The following UXS1 variants were observed in gnomAD, a reference collection of about 807,000 sequenced individuals.
UXS1 encodes the protein UDP-glucuronic acid decarboxylase 1.
UXS1 carries 33 observed loss-of-function variants against 62.6 expected under a neutral mutation model. The observed-to-expected ratio is 0.53, with a 90% CI of 0.40 to 0.70. The LOEUF is 0.70. UXS1 is among the 30% of genes least tolerant of loss of function. UXS1 has a pLI of 0.00. For synonymous variants in UXS1, 213 were observed against 206.8 expected, an observed-to-expected ratio of 1.03 and a Z score of -0.26; for missense variants, 434 against 556.3, an observed-to-expected ratio of 0.78 and a Z score of 2.21.
At chr2:106,126,802 G>A (rs906453866) in intron 7 of UXS1, among the ~76,000 whole-genome samples, 1 of 152,106 alleles carries the variant, frequency 6.6e-6, no homozygotes, top group African/African-American at 2.4e-5. Flanking sequence ...ACATTGATAT[G>A]ATCAGTGACT....
rs1685122980 is a variant in UXS1, at chr2:106,194,180, A to G, written c.62T>C (p.Leu21Pro). 4.7e-6 allele frequency: 7 copies of G among 1,485,018 alleles called. No homozygotes were observed. The highest frequency in any genetic ancestry group is 6.3e-6 in the Non-Finnish European group (7 of 1,116,010). 92.0% of individuals were successfully genotyped at this position (1,485,018 alleles called of 1,614,324 possible). A position where few individuals can be genotyped will look rare whatever the true frequency, so the allele number is the denominator to read the frequency against. The stretch of plus-strand genomic sequence containing the variant: ...GTAGGCCAGCAAGGCGATGCCCAGC[A>G]GCAGCTTCATCCTCCTGCGGTTGAC... ...SAVNRRRMKLLLGIALLAYVA... is the reference protein window; with the variant it reads ...SAVNRRRMKLPLGIALLAYVA... Residue 21 changes from leucine to proline, a missense_variant, in exon 1 of 15, where the codon CTG becomes CCG. Around this residue, in one of 3 missense-constraint regions of UXS1, gnomAD observed 91 missense variants for 71.1 expected, o/e 1.28. Coordinates refer to ENST00000283148, the MANE Select transcript of UXS1 (RefSeq NM_001253875.2).
chr2:106,185,326 T>G (rs1573590748), intron 1 of UXS1, among the ~76,000 whole-genome samples: 1 of 152,204 alleles, frequency 6.6e-6, no homozygotes, highest in Non-Finnish European at 1.5e-5. Flanking sequence ...GGGAAAATTG[T>G]TGAAAATAAA....
At chr2:106,189,900 CAA>C (rs1684806897) in intron 1 of UXS1, among the ~76,000 whole-genome samples, 1 of 152,120 alleles carries the variant, frequency 6.6e-6, no homozygotes, top group South Asian at 2.1e-4. Context: ...GGGAGTGAAA[CAA>C]GAGGGAGTCA....
At chr2:106,160,083 G>C (rs1042682781) in intron 4 of UXS1, 15 of 152,256 alleles carry the variant, frequency 9.9e-5, no homozygotes, top group Non-Finnish European at 1.9e-4. Context: ...AGCAAGTTCT[G>C]CCTTCAGTCA....
At chr2:106,137,719 T>C (rs1024426555) in intron 6 of UXS1, among the ~76,000 whole-genome samples, 55 of 151,788 alleles carry the variant, frequency 3.6e-4, no homozygotes, top group African/African-American at 1.3e-3. Flanking sequence ...CACTTGAACC[T>C]GGGAGGCAGA....
intron 6 of UXS1, 113 bp downstream of exon 6, chr2:106,145,077 C>T (rs1309822320): frequency 4.2e-6 from 5 of 1,203,094 alleles, no homozygotes; most frequent in African/African-American, 1.5e-5. Flanking sequence ...AAAAATAAAA[C>T]CCAACATAGC....
intron 1 of UXS1, among the ~76,000 whole-genome samples, chr2:106,183,982 G>A (rs1319839962): frequency 3.9e-5 from 6 of 151,934 alleles, no homozygotes; most frequent in South Asian, 2.1e-4. Flanking sequence ...ACCTGAGGTC[G>A]GGAGTTCGAG....
In UXS1 at chr2:106,163,723, T is replaced by C. The variant is rs1336797621; in HGVS notation, c.187-13A>G. On this transcript the variant is annotated splice_polypyrimidine_tract_variant and intron_variant, in intron 3 of 14. Coordinates refer to ENST00000283148, the MANE Select transcript of UXS1 (RefSeq NM_001253875.2). The stretch of plus-strand genomic sequence containing the variant: ...GTGGTTCAACCATCTAGAACAATAA[T>C]AACAAAAATCAGTTTTAAAGCAAAA... 2 of 1,417,186 alleles carry C rather than the reference T, an allele frequency of 1.4e-6. No homozygotes were observed. Among genetic ancestry groups the C allele is most frequent in the African/African-American group, 1.5e-5 (1 of 67,280 alleles). The allele number at this position is 1,417,186 out of a possible 1,614,324, so 87.8% of individuals were successfully genotyped here. A position where few individuals can be genotyped will look rare whatever the true frequency, so the allele number is the denominator to read the frequency against.
chr2:106,170,488 A>G (rs1195910582), intron 1 of UXS1, among the ~76,000 whole-genome samples: 1 of 152,130 alleles, frequency 6.6e-6, no homozygotes, highest in East Asian at 1.9e-4. Context: ...ATGCCAAGTA[A>G]TTTTTCCCTT....
intron 6 of UXS1, among the ~76,000 whole-genome samples, chr2:106,144,087 G>C (rs915617995): frequency 3.3e-5 from 5 of 152,178 alleles, no homozygotes; most frequent in Admixed American, 6.5e-5. Context: ...TCTTAGCAGG[G>C]AACTGTGAGA....
intron 9 of UXS1, among the ~76,000 whole-genome samples, chr2:106,120,822 T>C (rs1679462429): frequency 2.0e-5 from 3 of 152,226 alleles, no homozygotes; most frequent in South Asian, 2.1e-4. Flanking sequence ...GGAAGGCACA[T>C]GCCTGGTGAC....
At chr2:106,186,291 G>C (rs11694995) in intron 1 of UXS1, among the ~76,000 whole-genome samples, 149,140 of 152,262 alleles carry the variant, frequency 0.98, 73,101 homozygotes, top group South Asian at 1. Flanking sequence ...ACACTGAACA[G>C]TGTCAAGTGG....
At chr2:106,155,288 T>A in intron 5 of UXS1, among the ~76,000 whole-genome samples, 1 of 152,086 alleles carries the variant, frequency 6.6e-6, no homozygotes, top group East Asian at 1.9e-4. Context: ...AAATAAGATA[T>A]CCCTAGATAA....
At chr2:106,186,057 A>G (rs1015667878) in intron 1 of UXS1, among the ~76,000 whole-genome samples, 7 of 152,366 alleles carry the variant, frequency 4.6e-5, no homozygotes, top group Middle Eastern at 3.4e-3. Flanking sequence ...TCTTTTCAAA[A>G]CACCACCAGT....
At chr2:106,114,985 T>A (rs1385172231) in intron 9 of UXS1, among the ~76,000 whole-genome samples, 1 of 152,170 alleles carries the variant, frequency 6.6e-6, no homozygotes, top group Non-Finnish European at 1.5e-5. Flanking sequence ...CTAGGTAGCA[T>A]CAGGGAACCC....
chr2:106,104,702 T>A (rs1209791769), intron 11 of UXS1, 92 bp downstream of exon 11: 1 of 1,490,272 alleles, frequency 6.7e-7, no homozygotes, highest in African/African-American at 1.4e-5. Context: ...TGGAAATGGT[T>A]AACATATACA....
intron 1 of UXS1, among the ~76,000 whole-genome samples, chr2:106,188,251 G>C (rs768001498): frequency 6.6e-6 from 1 of 152,100 alleles, no homozygotes; most frequent in Non-Finnish European, 1.5e-5. Flanking sequence ...AGGGAGAAGG[G>C]GAAGGGAGAA....
chr2:106,162,322 CAA>C (rs1682949007), intron 4 of UXS1, among the ~76,000 whole-genome samples: 2 of 152,180 alleles, frequency 1.3e-5, no homozygotes, highest in Admixed American at 1.3e-4. Context: ...AGCACACACT[CAA>C]AGATATCACA....
At chr2:106,192,380 C>A (rs1684985435) in intron 1 of UXS1, among the ~76,000 whole-genome samples, 1 of 152,144 alleles carries the variant, frequency 6.6e-6, no homozygotes, top group Non-Finnish European at 1.5e-5. Flanking sequence ...TGGTGAAACC[C>A]CGTCTCTACT....
Sources: gnomAD v4.1 joint callset for allele counts (sites outside exome capture counted in the v4.1 genomes callset) on GRCh38, gnomAD v4.1.1 for gene constraint, gnomAD v4.1.1 regional missense constraint, MANE v1.5 for transcripts, NCBI Gene and HGNC (gene_info 2026-07-23, HGNC 2026-07-21) for gene names.